PLXDC2: variants seen among roughly 807,000 people sequenced by gnomAD.
PLXDC2 encodes the protein plexin domain-containing protein 2.
A neutral mutation model predicts 68.9 loss-of-function variants in PLXDC2; 40 were observed. The observed-to-expected ratio is 0.58, with a 90% CI of 0.45 to 0.76. The LOEUF (loss-of-function observed/expected upper bound fraction) is 0.76, where lower values mean the gene tolerates loss of function less well. PLXDC2 is among the 30% of genes least tolerant of loss of function. PLXDC2 has a pLI of 0.00. For missense variants in PLXDC2, 644 were observed against 661.9 expected (o/e 0.97, Z 0.30); for synonymous variants, 243 against 234.2 (o/e 1.04, Z -0.34).
intron 1 of PLXDC2, among the ~76,000 whole-genome samples, chr10:19,949,157 T>TA (rs1833955480): frequency 1.4e-5 from 2 of 139,522 alleles, no homozygotes; most frequent in African/African-American, 5.4e-5. Context: ...AGAATAGACA[T>TA]ACGTTATATA....
intron 1 of PLXDC2, among the ~76,000 whole-genome samples, chr10:19,975,451 C>T (rs1463117912): frequency 1.3e-5 from 2 of 152,044 alleles, no homozygotes; most frequent in Non-Finnish European, 2.9e-5. Flanking sequence ...GAGCGAGACT[C>T]CATCTCAAAT....
At chr10:19,930,308 A>G (rs2131388519) in intron 1 of PLXDC2, among the ~76,000 whole-genome samples, 1 of 152,344 alleles carries the variant, frequency 6.6e-6, no homozygotes, top group Non-Finnish European at 1.5e-5. Flanking sequence ...ATAGAAGGAT[A>G]GAAACTTCCT....
At chr10:20,113,511 C>G (rs1310478728) in intron 4 of PLXDC2, among the ~76,000 whole-genome samples, 1 of 152,126 alleles carries the variant, frequency 6.6e-6, no homozygotes, top group Non-Finnish European at 1.5e-5. Flanking sequence ...CTAATTGCAG[C>G]CAATTCCATC....
At chr10:20,090,980 T>C (rs542461882) in intron 4 of PLXDC2, among the ~76,000 whole-genome samples, 21 of 152,340 alleles carry the variant, frequency 1.4e-4, no homozygotes, top group African/African-American at 4.8e-4. Flanking sequence ...TATTCTGACG[T>C]AATAGGTAAC....
At chr10:20,222,304 CAGG>C (rs1308509084) in intron 12 of PLXDC2, among the ~76,000 whole-genome samples, 6 of 152,096 alleles carry the variant, frequency 3.9e-5, no homozygotes, top group South Asian at 2.1e-4. Flanking sequence ...ATTCAGTTTC[CAGG>C]AGATTTTTCT....
chr10:19,830,740 GT>G lies in PLXDC2; in HGVS notation c.112+13560del, dbSNP rs11408354. ...CTAACTATGCTCCGGAAAAGAGAAG[GT>G]TTTTTTTTTTCCTGGGAGTTGTTGC... is the stretch of plus-strand genomic sequence containing the variant. On this transcript the variant is annotated intron_variant, in intron 1 of 13. Transcript: ENST00000377252. Among the ~76,000 whole-genome samples the G allele has an allele frequency of 4.2e-3, 627 of 149,126 alleles. 3 individuals carry two copies. The highest frequency in any genetic ancestry group is 0.014 in the African/African-American group (580 of 40,672).
rs552685267 is a variant in PLXDC2 at position 20,119,210 on chromosome 10, G to C, written c.542-24085G>C. Among the ~76,000 whole-genome samples, 3 of 152,140 alleles carry C rather than the reference G, an allele frequency of 2.0e-5. No individual in the cohort carries two copies. The East Asian group carries it at 5.8e-4, about 29-fold the overall frequency. Reference sequence around the variant, plus strand: ...CATTCTGAAGTAGTAATTTTCATGCGTGTCTGTGTGAAGAGACCACCAAAC... The same window carrying C: ...CATTCTGAAGTAGTAATTTTCATGCCTGTCTGTGTGAAGAGACCACCAAAC... On this transcript the variant is annotated intron_variant, in intron 4 of 13. Coordinates refer to ENST00000377252, the MANE Select transcript of PLXDC2 (RefSeq NM_032812.9).
chr10:19,885,471 G>T (rs1327678760), intron 1 of PLXDC2, among the ~76,000 whole-genome samples: 1 of 152,142 alleles, frequency 6.6e-6, no homozygotes, highest in East Asian at 1.9e-4. Flanking sequence ...TTCTTCTAGG[G>T]TTTTTATGGT....
intron 1 of PLXDC2, among the ~76,000 whole-genome samples, chr10:19,872,290 C>T (rs1171062907): frequency 6.6e-6 from 1 of 152,196 alleles, no homozygotes; most frequent in Non-Finnish European, 1.5e-5. Flanking sequence ...CCCATAATGG[C>T]GAGCACCTCA....
At chr10:20,115,438 C>T (rs1030029569) in intron 4 of PLXDC2, among the ~76,000 whole-genome samples, 5 of 152,120 alleles carry the variant, frequency 3.3e-5, no homozygotes, top group African/African-American at 4.8e-5. Flanking sequence ...TTTAGCTTAA[C>T]GAGGGTCATC....
intron 1 of PLXDC2, among the ~76,000 whole-genome samples, chr10:19,847,039 G>A (rs952416928): frequency 4.0e-5 from 6 of 151,858 alleles, no homozygotes; most frequent in East Asian, 1.9e-4. Context: ...GGAAAAACTC[G>A]CCCCCATGCT....
chr10:19,996,133 G>A (rs1834839923), intron 1 of PLXDC2, among the ~76,000 whole-genome samples: 2 of 152,074 alleles, frequency 1.3e-5, no homozygotes, highest in Non-Finnish European at 2.9e-5. Context: ...GTAAAAGGAA[G>A]AATATGACAA....
At chr10:20,174,737 A>G (rs1191417006) in intron 7 of PLXDC2, among the ~76,000 whole-genome samples, 1 of 152,126 alleles carries the variant, frequency 6.6e-6, no homozygotes, top group Non-Finnish European at 1.5e-5. Context: ...GCACATGTAT[A>G]CATATGTAAC....
intron 1 of PLXDC2, among the ~76,000 whole-genome samples, chr10:19,875,602 C>T (rs1288707748): frequency 1.3e-5 from 2 of 152,132 alleles, no homozygotes; most frequent in African/African-American, 2.4e-5. Context: ...TGTGTGCACA[C>T]GTGTGCACTA....
chr10:20,190,642 G>A (rs1027563059), intron 9 of PLXDC2, among the ~76,000 whole-genome samples: 1 of 150,834 alleles, frequency 6.6e-6, no homozygotes, highest in African/African-American at 2.4e-5. Flanking sequence ...AGTATAAAAG[G>A]AACATTACAT....
intron 6 of PLXDC2, among the ~76,000 whole-genome samples, chr10:20,153,491 C>T (rs1213257301): frequency 6.6e-6 from 1 of 152,068 alleles, no homozygotes; most frequent in African/African-American, 2.4e-5. Flanking sequence ...GGAAGCTTTC[C>T]ATATTTTATT....
intron 1 of PLXDC2, among the ~76,000 whole-genome samples, chr10:19,835,463 G>A (rs1037914148): frequency 6.6e-6 from 1 of 152,182 alleles, no homozygotes; most frequent in African/African-American, 2.4e-5. Flanking sequence ...GACTTGGCGA[G>A]TACTGAGGTG....
chr10:20,154,018 A>G (rs985165713), intron 6 of PLXDC2, among the ~76,000 whole-genome samples: 1 of 152,142 alleles, frequency 6.6e-6, no homozygotes, highest in Non-Finnish European at 1.5e-5. Context: ...TTATTAATCT[A>G]TAATTTTTTA....
chr10:19,916,756 G>C (rs991569101), intron 1 of PLXDC2, among the ~76,000 whole-genome samples: 1 of 152,062 alleles, frequency 6.6e-6, no homozygotes, highest in African/African-American at 2.4e-5. Context: ...AAATAAATAT[G>C]TACAATACCT....
Sources: allele counts gnomAD v4.1 joint callset (sites outside exome capture counted in the v4.1 genomes callset), GRCh38; gene constraint gnomAD v4.1.1; transcripts MANE v1.5; gene names NCBI Gene and HGNC (gene_info 2026-07-23, HGNC 2026-07-21).